The following IGFN1 variants were observed in gnomAD, a reference collection of about 807,000 sequenced individuals.
IGFN1 encodes immunoglobulin like and fibronectin type III domain containing 1.
IGFN1 carries 253 observed loss-of-function variants against 289.5 expected under a neutral mutation model. The ratio of observed to expected loss-of-function variants is 0.87; its 90% CI spans 0.79 to 0.97. The LOEUF (loss-of-function observed/expected upper bound fraction) is 0.97. Ranked by LOEUF, IGFN1 falls within the 50% of genes least tolerant of loss-of-function variation. IGFN1 has a pLI of 0.00. For synonymous variants in IGFN1, 1,706 were observed against 1,788.5 expected (o/e 0.95, Z 1.16); for missense variants, 4,470 against 4,686.1 (o/e 0.95, Z 1.35).
rs777027482 is a variant in IGFN1, at chr1:201,221,487, G to GA, written c.9944dup (p.Asn3315LysfsTer18). 1.2e-4 allele frequency: 198 copies of GA among 1,611,970 alleles called. No individual in the cohort carries two copies. The highest frequency in any genetic ancestry group is 1.6e-4 in the Non-Finnish European group (187 of 1,179,106). The stretch of plus-strand genomic sequence containing the variant: ...GGAATCTCCAAGTCACAGACAGATC[G>GA]AACACCAGCATCACTCTGAGCTGGG... On this transcript the variant is annotated frameshift_variant, in exon 19 of 24. Coordinates refer to ENST00000335211, the MANE Select transcript of IGFN1 (RefSeq NM_001164586.2). LOFTEE classifies it high-confidence loss of function.
intron 8 of IGFN1, among the ~76,000 whole-genome samples, 154 bp downstream of exon 8, chr1:201,200,565 G>A (rs1667107943): frequency 6.6e-6 from 1 of 152,200 alleles, no homozygotes; most frequent in Admixed American, 6.5e-5. Context: ...GGGGTATCTG[G>A]CTAAGGCCCT....
chr1:201,217,451 C>A lies in IGFN1; in HGVS notation c.9760C>A (p.Pro3254Thr), dbSNP rs781452159. 1.2e-6 allele frequency: 2 copies of A among 1,614,074 alleles called. No homozygotes were observed. Among genetic ancestry groups the A allele is most frequent in the East Asian group, 4.5e-5 (2 of 44,878 alleles). ...SNTWTAVNDQPVPERRWTVAD... is the reference protein window; with the variant it reads ...SNTWTAVNDQTVPERRWTVAD... ...CACCTGGACGGCAGTGAACGACCAG[C>A]CGGTGCCTGGTGAGCATTGTCCTGG... Residue 3254 changes from proline (P) to threonine (T), a missense_variant, in exon 17 of 24, where the codon CCG (proline) becomes ACG (threonine). Around this residue, in one of 8 missense-constraint regions of IGFN1, gnomAD observed 2,218 missense variants for 2,114.1 expected, o/e 1.05. Transcript: ENST00000335211.
chr1:201,195,751 G>C, intron 3 of IGFN1, 88 bp from the exon 4 acceptor site: 3 of 1,368,710 alleles, frequency 2.2e-6, no homozygotes, highest in Non-Finnish European at 2.9e-6. Flanking sequence ...CCTAGATGAG[G>C]AAGACGATAT....
chr1:201,227,261 C>T, intron 23 of IGFN1, 53 bp downstream of exon 23: 1 of 1,436,892 alleles, frequency 7.0e-7, no homozygotes, highest in Non-Finnish European at 9.4e-7. Flanking sequence ...GGAGAGCAAC[C>T]ACCTGCCTGT....
At position 201,223,017 on chromosome 1, in the gene IGFN1, G is replaced by T. The variant is rs1653837731; in HGVS notation, c.10290+190G>T. The T allele has an allele frequency of 1.1e-5, 5 of 438,990 alleles. No individual in the cohort carries two copies. In the East Asian group the frequency reaches 1.8e-4, roughly 16 times the overall value. 27.2% of individuals were successfully genotyped at this position (438,990 alleles called of 1,614,324 possible). On this transcript the variant is annotated intron_variant, in intron 20 of 23. Coordinates refer to ENST00000335211, the MANE Select transcript of IGFN1 (RefSeq NM_001164586.2). ...GGAAGGATTCAGGTCCTCCTTGAAG[G>T]TACTGCCCTCACTTGGCGGCTGGGT... is the stretch of plus-strand genomic sequence containing the variant.
At position 201,208,700 on chromosome 1, in the gene IGFN1, T is replaced by C. The variant is rs1251226235; in HGVS notation, c.3807T>C (p.Gly1269=). 1 of 1,536,760 alleles carries C rather than the reference T, an allele frequency of 6.5e-7. No individual in the cohort carries two copies. The highest frequency in any genetic ancestry group is 1.2e-5 in the South Asian group (1 of 84,034). ...GAATGGGATCAGCAGATGGGCCAGG[T>C]TGTAGGAAGGGTATTGGGAGTTCTG... ...LQGMGSADGP[G]CRKGIGSSGE... is the part of the protein sequence containing the mutation. The change falls in exon 12 of 24, where the codon GGT becomes GGC. Residue 1269 remains glycine (G), a synonymous_variant. Transcript: ENST00000335211.
At chr1:201,199,480 A>G (rs1667056786) in intron 6 of IGFN1, 102 bp downstream of exon 6, 3 of 1,403,454 alleles carry the variant, frequency 2.1e-6, no homozygotes, top group Non-Finnish European at 9.9e-7. Context: ...CACCTTGTGG[A>G]TCACCACCAG....
In IGFN1 at chr1:201,194,293, G is replaced by A. The variant is rs1481634060; in HGVS notation, c.127+20G>A. The A allele has an allele frequency of 6.5e-7, 1 of 1,550,336 alleles. No individual in the cohort carries two copies. The highest frequency in any genetic ancestry group is 8.7e-7 in the Non-Finnish European group (1 of 1,146,486). On this transcript the variant is annotated intron_variant, in intron 3 of 23. Coordinates refer to ENST00000335211, the MANE Select transcript of IGFN1 (RefSeq NM_001164586.2). ...CAGAGGGTGAGCCCAGAGGGGAGCT[G>A]CGGAGGGGAGGCAAGATTCTTGCTC...
intron 3 of IGFN1, among the ~76,000 whole-genome samples, chr1:201,195,444 GCCT>G (rs1666876099): frequency 6.6e-6 from 1 of 152,140 alleles, no homozygotes; most frequent in Non-Finnish European, 1.5e-5. Context: ...GAGCCCCTGC[GCCT>G]GCCCGGAACT....
At chr1:201,226,240 G>T in intron 22 of IGFN1, 117 bp downstream of exon 22, 1 of 1,193,366 alleles carries the variant, frequency 8.4e-7, no homozygotes, top group South Asian at 1.7e-5. Context: ...GGATGGCCTG[G>T]AGCATGCCAA....
Position 201,203,790 on chromosome 1 carries a change from G to A in IGFN1, c.800G>A (p.Arg267His), listed in dbSNP as rs1030373315. 2.9e-5 allele frequency: 45 copies of A among 1,551,614 alleles called. No homozygotes were observed. Among genetic ancestry groups the A allele is most frequent in the East Asian group, 1.2e-4 (5 of 40,936 alleles). ...GFNNQTKHCL[R>H]RLGKRYEFQI... ...AACAACCAAACCAAGCACTGTCTGC[G>A]CCGGCTGGGGAAGCGCTATGAGTTC... Residue 267 changes from arginine to histidine, a missense_variant, in exon 10 of 24, where the codon CGC (arginine) becomes CAC (histidine). Arg to His is a conservative substitution (Grantham distance 29). Transcript: ENST00000335211.
chr1:201,214,186 G>A lies in IGFN1; in HGVS notation c.8738G>A (p.Gly2913Asp), dbSNP rs767124344. The A allele has an allele frequency of 4.3e-6, 7 of 1,612,288 alleles. No homozygotes were observed. Among genetic ancestry groups the A allele is most frequent in the Non-Finnish European group, 5.9e-6 (7 of 1,179,174 alleles). The change falls in exon 13 of 24, where the codon GGC (glycine) becomes GAC (aspartate). Residue 2913 changes from glycine to aspartate, a missense_variant. By Grantham distance (94) the Gly-to-Asp change is moderately conservative (BLOSUM62 -1). Around this residue, in one of 8 missense-constraint regions of IGFN1, gnomAD observed 2,218 missense variants for 2,114.1 expected, o/e 1.05. Transcript: ENST00000335211. ...SFSKDAQGPM[G>D]HFSQGLADME... is the part of the protein sequence containing the mutation. ...CTCTGTGTCTCTCCAGGCCCCATGG[G>A]CCACTTCTCCCAGGGCCTGGCTGAC...
intron 23 of IGFN1, among the ~76,000 whole-genome samples, 161 bp from the exon 24 acceptor site, chr1:201,228,225 C>T (rs765157955): frequency 6.6e-6 from 1 of 152,192 alleles, no homozygotes; most frequent in Non-Finnish European, 1.5e-5. Flanking sequence ...AAGGGCTTTG[C>T]CCAAGCTTAG....
chr1:201,225,580 C>G (rs1654024410), intron 21 of IGFN1, among the ~76,000 whole-genome samples: 1 of 152,156 alleles, frequency 6.6e-6, no homozygotes, highest in African/African-American at 2.4e-5. Flanking sequence ...GTGACAGAGC[C>G]AGACTCCGTC....
intron 21 of IGFN1, 95 bp downstream of exon 21, chr1:201,224,969 C>T: frequency 2.3e-6 from 2 of 866,444 alleles, no homozygotes; most frequent in South Asian, 1.9e-5. Flanking sequence ...CTCAGCCACT[C>T]TACCAGGGCT....
chr1:201,199,186 T>A (rs527552400), intron 5 of IGFN1, 148 bp from the exon 6 acceptor site: 19 of 714,116 alleles, frequency 2.7e-5, no homozygotes, highest in Non-Finnish European at 4.5e-5. Context: ...GCTCCATCCC[T>A]CTTGCTGGGA....
intron 19 of IGFN1, 112 bp from the exon 20 acceptor site, chr1:201,222,627 C>A: frequency 1.5e-6 from 1 of 651,548 alleles, no homozygotes; most frequent in Non-Finnish European, 2.8e-6. Flanking sequence ...GGGATCTCAG[C>A]ATCAATCCGA....
chr1:201,210,674 G>C lies in IGFN1; in HGVS notation c.5781G>C (p.Arg1927Ser), dbSNP rs766062611. The change falls in exon 12 of 24, where the codon AGG becomes AGC. Residue 1927 changes from arginine to serine, a missense_variant. Coordinates refer to ENST00000335211, the MANE Select transcript of IGFN1 (RefSeq NM_001164586.2). ...GGTCAGTGAATGAGGCAGGTTATAG[G>C]AAGGATTTGGGGGCTCCTGAGGGAA... ...EMGSVNEAGY[R>S]KDLGAPEGMG... 172 of 1,523,344 alleles carry C rather than the reference G, an allele frequency of 1.1e-4. 2 individuals are homozygous for C. The East Asian group carries it at 4.3e-3, about 38-fold the overall frequency. 94.4% of individuals were successfully genotyped at this position (1,523,344 alleles called of 1,614,324 possible).
rs12466 is a variant in IGFN1 at position 201,228,680 on chromosome 1, T to G, written c.*281T>G. 2 of 494,714 alleles carry G rather than the reference T, an allele frequency of 4.0e-6. No homozygotes were observed. The highest frequency in any genetic ancestry group is 7.3e-6 in the Non-Finnish European group (2 of 275,412). The allele number at this position is 494,714 out of a possible 1,614,324, so 30.6% of individuals were successfully genotyped here. On this transcript the variant is annotated 3_prime_UTR_variant, in exon 24 of 24. Transcript: ENST00000335211. ...CCATATGGGTTTCTTTCTTCTTCGC[T>G]TCAGGAGATCCAGAGGGCACCTGCC...
Sources: gnomAD v4.1 joint callset for allele counts (sites outside exome capture counted in the v4.1 genomes callset) on GRCh38, gnomAD v4.1.1 for gene constraint, gnomAD v4.1.1 regional missense constraint, MANE v1.5 for transcripts, NCBI Gene and HGNC (gene_info 2026-07-23, HGNC 2026-07-21) for gene names.